The following SEL1L variants were observed in gnomAD, a reference collection of about 807,000 sequenced individuals.
SEL1L encodes the protein SEL1L adaptor subunit of SYVN1 ubiquitin ligase.
A neutral mutation model predicts 109.8 loss-of-function variants in SEL1L; 52 were observed. That is an observed-to-expected ratio of 0.47 (90% CI 0.38 to 0.60). SEL1L has a LOEUF of 0.60. Ranked by LOEUF, SEL1L falls within the 20% of genes least tolerant of loss-of-function variation. The pLI, the probability that SEL1L is intolerant of heterozygous loss-of-function variation, is 0.00. For synonymous variants in SEL1L, 373 were observed against 339.6 expected, an observed-to-expected ratio of 1.10 and a Z score of -1.08; for missense variants, 749 against 962.2, an observed-to-expected ratio of 0.78 and a Z score of 2.93.
chr14:81,520,569 G>A (rs2140051030), intron 3 of SEL1L, among the ~76,000 whole-genome samples: 1 of 152,290 alleles, frequency 6.6e-6, no homozygotes, highest in Admixed American at 6.5e-5. Context: ...GGTGGAAAGG[G>A]CTCGCAGCAG....
intron 3 of SEL1L, among the ~76,000 whole-genome samples, chr14:81,520,390 C>T (rs1483570507): frequency 6.6e-6 from 1 of 152,190 alleles, no homozygotes; most frequent in Non-Finnish European, 1.5e-5. Context: ...ATAAAGGAAT[C>T]TTGGGCTGCA....
intron 3 of SEL1L, among the ~76,000 whole-genome samples, chr14:81,519,888 G>C (rs1884842879): frequency 6.6e-6 from 1 of 152,210 alleles, no homozygotes; most frequent in Non-Finnish European, 1.5e-5. Flanking sequence ...TTGGAGAACA[G>C]AAAAGGGTTT....
chr14:81,479,545 AAAAC>A, intron 20 of SEL1L, 63 bp downstream of exon 20: 3 of 1,512,156 alleles, frequency 2.0e-6, no homozygotes, highest in Non-Finnish European at 1.8e-6. Context: ...CAACTTTTGA[AAAAC>A]AAACCTCCAG....
intron 3 of SEL1L, among the ~76,000 whole-genome samples, chr14:81,507,984 T>C (rs535711179): frequency 7.9e-5 from 12 of 152,328 alleles, no homozygotes; most frequent in African/African-American, 2.6e-4. Flanking sequence ...TATCTCCAAA[T>C]AGGAATAACA....
intron 10 of SEL1L, among the ~76,000 whole-genome samples, chr14:81,497,002 C>G (rs1207153461): frequency 6.6e-6 from 1 of 151,856 alleles, no homozygotes; most frequent in Non-Finnish European, 1.5e-5. Flanking sequence ...AGAGATGCAA[C>G]AGGAAAAAGC....
chr14:81,514,744 C>A (rs1884630256), intron 3 of SEL1L, among the ~76,000 whole-genome samples: 1 of 152,090 alleles, frequency 6.6e-6, no homozygotes. Flanking sequence ...AAACAGGCAT[C>A]AATAGGCTCA....
At chr14:81,516,416 T>C (rs1884703883) in intron 3 of SEL1L, among the ~76,000 whole-genome samples, 1 of 152,162 alleles carries the variant, frequency 6.6e-6, no homozygotes, top group South Asian at 2.1e-4. Flanking sequence ...TCACATGCCT[T>C]TGTTATGCCT....
intron 3 of SEL1L, among the ~76,000 whole-genome samples, chr14:81,513,443 G>A (rs932544019): frequency 6.6e-6 from 1 of 152,106 alleles, no homozygotes; most frequent in Non-Finnish European, 1.5e-5. Flanking sequence ...ACCCACAGGA[G>A]GAACAAACAA....
At chr14:81,500,849 A>G (rs1038326719) in intron 6 of SEL1L, among the ~76,000 whole-genome samples, 3 of 152,180 alleles carry the variant, frequency 2.0e-5, no homozygotes, top group Non-Finnish European at 4.4e-5. Context: ...CTAAAAATAA[A>G]AACACAAAAA....
intron 20 of SEL1L, among the ~76,000 whole-genome samples, chr14:81,478,056 GA>G (rs1903224468): frequency 6.6e-6 from 1 of 152,174 alleles, no homozygotes; most frequent in Non-Finnish European, 1.5e-5. Context: ...ATTGAAACCT[GA>G]AAGTTATGTT....
In SEL1L at chr14:81,486,312, T is replaced by C. The variant is rs762787611; in HGVS notation, c.1775A>G (p.Asn592Ser). Residue 592 changes from asparagine (N) to serine (S), a missense_variant, in exon 17 of 21, where the codon AAT (asparagine) becomes AGT (serine). Asn to Ser is a conservative substitution (Grantham distance 46). Around this residue, in one of 2 missense-constraint regions of SEL1L, gnomAD observed 383 missense variants for 562.5 expected, o/e 0.68. Transcript: ENST00000336735. Reference sequence around the variant, plus strand: ...ACTCTGATCAAGAATAAAGGCTGCATTGCTTTGTGCCACTTCATAGCCCTG... The same window carrying C: ...ACTCTGATCAAGAATAAAGGCTGCACTGCTTTGTGCCACTTCATAGCCCTG... ...AEQGYEVAQSNAAFILDQREA... is the reference protein window; with the variant it reads ...AEQGYEVAQSSAAFILDQREA... 6.8e-6 allele frequency: 11 copies of C among 1,614,044 alleles called. No individual in the cohort carries two copies. In the South Asian group the frequency reaches 1.1e-4, roughly 16 times the overall value.
chr14:81,499,630 A>C lies in SEL1L; in HGVS notation c.810T>G (p.Gly270=), dbSNP rs951227958. The change falls in exon 7 of 21, where the codon GGT becomes GGG. Residue 270 remains glycine, a synonymous_variant. Transcript: ENST00000336735. ...TTACCTTTGCCTGACTTGAATTAAC[A>C]CCAAGTCCAGAGGCATACAGAAAGC... ...ALGFLYASGL[G]VNSSQAKALV... The C allele has an allele frequency of 1.9e-6, 3 of 1,610,422 alleles. No homozygotes were observed. Among genetic ancestry groups the C allele is most frequent in the African/African-American group, 1.3e-5 (1 of 74,638 alleles).
chr14:81,487,591 T>G (rs1007962823), intron 15 of SEL1L, 53 bp from the exon 16 acceptor site: 2 of 1,569,684 alleles, frequency 1.3e-6, no homozygotes, highest in Non-Finnish European at 1.7e-6. Context: ...TTTAGCTAAG[T>G]ATCAGAGAAG....
At chr14:81,519,256 C>T (rs1230069490) in intron 3 of SEL1L, among the ~76,000 whole-genome samples, 1 of 152,206 alleles carries the variant, frequency 6.6e-6, no homozygotes, top group Non-Finnish European at 1.5e-5. Flanking sequence ...ATCTGGTTTC[C>T]CCTACACTTC....
intron 3 of SEL1L, among the ~76,000 whole-genome samples, chr14:81,519,461 G>C (rs1884827907): frequency 6.6e-6 from 1 of 152,214 alleles, no homozygotes; most frequent in Non-Finnish European, 1.5e-5. Flanking sequence ...AAATATTCAA[G>C]AAATAGCAAG....
chr14:81,472,495 T>C lies in SEL1L; in HGVS notation c.*4477A>G. 3.0e-6 allele frequency: 1 copy of C among 332,466 alleles called. No individual in the cohort carries two copies. Among genetic ancestry groups the C allele is most frequent in the Non-Finnish European group, 5.8e-6 (1 of 172,498 alleles). 20.6% of individuals were successfully genotyped at this position (332,466 alleles called of 1,614,324 possible). A position where few individuals can be genotyped will look rare whatever the true frequency, so the allele number is the denominator to read the frequency against. ...GTACATGTTCACTCTTGATTTAATA[T>C]TTTTTCATTTCTCCTTTACTCAGAG... On this transcript the variant is annotated 3_prime_UTR_variant, in exon 21 of 21. Coordinates refer to ENST00000336735, the MANE Select transcript of SEL1L (RefSeq NM_005065.6).
intron 10 of SEL1L, among the ~76,000 whole-genome samples, chr14:81,497,365 T>A (rs905073329): frequency 1.8e-4 from 27 of 152,366 alleles, no homozygotes; most frequent in Admixed American, 1.8e-3. Flanking sequence ...CCACGAAACC[T>A]GTGTGTGCAC....
chr14:81,514,426 G>C (rs114360594), intron 3 of SEL1L, among the ~76,000 whole-genome samples: 2 of 152,100 alleles, frequency 1.3e-5, no homozygotes, highest in Admixed American at 6.5e-5. Context: ...CTACTAACAG[G>C]AGAATGCTTA....
chr14:81,489,883 T>A (rs1335897479), intron 13 of SEL1L, among the ~76,000 whole-genome samples: 1 of 152,188 alleles, frequency 6.6e-6, no homozygotes, highest in East Asian at 1.9e-4. Flanking sequence ...AAAAAGATTG[T>A]CATAGCATTC....
Sources: allele counts gnomAD v4.1 joint callset (sites outside exome capture counted in the v4.1 genomes callset), GRCh38; gene constraint gnomAD v4.1.1; regional missense constraint gnomAD v4.1.1; transcripts MANE v1.5; gene names NCBI Gene and HGNC (gene_info 2026-07-23, HGNC 2026-07-21).